GLIS3: variants seen among roughly 807,000 people sequenced by gnomAD.
The protein encoded by GLIS3 is GLIS family zinc finger 3.
GLIS3 carries 53 observed loss-of-function variants against 78.6 expected under a neutral mutation model. The ratio of observed to expected loss-of-function variants is 0.67; its 90% CI spans 0.54 to 0.85. GLIS3 has a LOEUF of 0.85. Ranked by LOEUF, GLIS3 falls within the 40% of genes least tolerant of loss-of-function variation. The pLI, the probability that GLIS3 is intolerant of heterozygous loss-of-function variation, is 0.00. For synonymous variants in GLIS3, 684 were observed against 509.9 expected (o/e 1.34, Z -4.60); for missense variants, 1,703 against 1,231.1 (o/e 1.38, Z -5.74).
the GLIS3 span, among the ~76,000 whole-genome samples, chr9:4,423,928 C>G: frequency 6.6e-6 from 1 of 152,140 alleles, no homozygotes. Flanking sequence ...AGCTGATGAC[C>G]AAACAATGAC....
At chr9:4,372,371 G>A in the GLIS3 span, among the ~76,000 whole-genome samples, 1 of 152,056 alleles carries the variant, frequency 6.6e-6, no homozygotes, top group Admixed American at 6.6e-5. Flanking sequence ...GGGCTTTGTG[G>A]ATCTGGGGTG....
At chr9:3,983,583 G>T (rs1163800844) in intron 4 of GLIS3, among the ~76,000 whole-genome samples, 2 of 152,174 alleles carry the variant, frequency 1.3e-5, no homozygotes, top group African/African-American at 4.8e-5. Context: ...GAGTGGTGTG[G>T]ATAATAAAGT....
the GLIS3 span, among the ~76,000 whole-genome samples, chr9:4,473,633 C>A: frequency 4.0e-5 from 6 of 151,800 alleles, no homozygotes; most frequent in Non-Finnish European, 5.9e-5. Context: ...CACACTGGGG[C>A]TTATCAGAGA....
rs186985330 is a variant in GLIS3 at position 4,210,661 on chromosome 9, T to C, written c.388+75377A>G. Among the ~76,000 whole-genome samples the C allele has an allele frequency of 2.0e-4, 30 of 152,330 alleles. 1 individual carries two copies. The East Asian group carries it at 4.4e-3, about 23-fold the overall frequency. On this transcript the variant is annotated intron_variant, in intron 2 of 10. Transcript: ENST00000381971. The stretch of plus-strand genomic sequence containing the variant: ...AAAATAAGCAAGGCTTTCTGGGAAA[T>C]GACAGAGCTTCAAAATAAGGAAAGA...
At chr9:4,157,002 AC>A (rs1835090975) in intron 2 of GLIS3, among the ~76,000 whole-genome samples, 1 of 152,198 alleles carries the variant, frequency 6.6e-6, no homozygotes, top group Non-Finnish European at 1.5e-5. Context: ...TTCAACACTT[AC>A]ATTTGAAAAG....
chr9:4,355,259 GGCTGTGTGACTATCT>G, the GLIS3 span, among the ~76,000 whole-genome samples: 1 of 152,138 alleles, frequency 6.6e-6, no homozygotes, highest in Non-Finnish European at 1.5e-5. Context: ...GCCACTTGGC[GGCTGTGTGACTATCT>G]GCAAGCAACT....
chr9:3,874,842 T>C (rs1396388644), intron 8 of GLIS3, among the ~76,000 whole-genome samples: 2 of 152,232 alleles, frequency 1.3e-5, no homozygotes, highest in Non-Finnish European at 2.9e-5. Context: ...TTTCAGTCTT[T>C]TCTGGCTCAG....
chr9:4,024,549 T>G (rs1823155612), intron 4 of GLIS3, among the ~76,000 whole-genome samples: 1 of 152,104 alleles, frequency 6.6e-6, no homozygotes, highest in South Asian at 2.1e-4. Context: ...AGTCTCTTCA[T>G]TTCTCCTGTT....
chr9:3,955,195 A>G (rs1274484764), intron 4 of GLIS3, among the ~76,000 whole-genome samples: 1 of 152,172 alleles, frequency 6.6e-6, no homozygotes, highest in Non-Finnish European at 1.5e-5. Context: ...ATCAGGGAAG[A>G]TGGCCCGCAT....
chr9:3,935,524 A>G (rs1825848768), intron 5 of GLIS3, among the ~76,000 whole-genome samples: 1 of 152,128 alleles, frequency 6.6e-6, no homozygotes. Context: ...GGGCAGTGCG[A>G]AACCATAACA....
intron 4 of GLIS3, among the ~76,000 whole-genome samples, chr9:4,006,912 G>T (rs936468743): frequency 2.6e-5 from 4 of 152,228 alleles, no homozygotes; most frequent in African/African-American, 9.6e-5. Context: ...GTTTCATAAA[G>T]TCCTGGATGC....
At chr9:4,188,996 T>G (rs566324297) in intron 2 of GLIS3, among the ~76,000 whole-genome samples, 1 of 152,314 alleles carries the variant, frequency 6.6e-6, no homozygotes, top group South Asian at 2.1e-4. Context: ...CTCTATTTCC[T>G]TCAGTTCTGC....
chr9:4,417,339 A>C, the GLIS3 span, among the ~76,000 whole-genome samples: 2 of 152,220 alleles, frequency 1.3e-5, no homozygotes, highest in Non-Finnish European at 2.9e-5. Flanking sequence ...TGTTCGTATC[A>C]AACCATGAAA....
the GLIS3 span, among the ~76,000 whole-genome samples, chr9:4,389,748 T>C: frequency 6.6e-6 from 1 of 152,180 alleles, no homozygotes; most frequent in Non-Finnish European, 1.5e-5. Flanking sequence ...GACATACAGG[T>C]GCCCAAGTGC....
chr9:3,883,092 A>G (rs1036584301), intron 7 of GLIS3, among the ~76,000 whole-genome samples: 2 of 151,610 alleles, frequency 1.3e-5, no homozygotes, highest in African/African-American at 4.8e-5. Flanking sequence ...ATACCCTTCA[A>G]AAAAAATGGA....
chr9:4,115,748 A>G (rs1208182008), intron 4 of GLIS3, among the ~76,000 whole-genome samples: 1 of 152,170 alleles, frequency 6.6e-6, no homozygotes, highest in African/African-American at 2.4e-5. Context: ...CCAGAACTAG[A>G]ATTGCAGCAT....
chr9:4,268,348 T>C (rs1229509302), intron 2 of GLIS3, among the ~76,000 whole-genome samples: 1 of 152,150 alleles, frequency 6.6e-6, no homozygotes, highest in Non-Finnish European at 1.5e-5. Flanking sequence ...ATCTACCATA[T>C]CATAAGTGTT....
At chr9:4,331,899 T>C (rs1382946515) in intron 2 of GLIS3, among the ~76,000 whole-genome samples, 1 of 151,824 alleles carries the variant, frequency 6.6e-6, no homozygotes, top group Non-Finnish European at 1.5e-5. Context: ...CAAAAAGAAA[T>C]TCAAAATGCC....
chr9:4,422,888 C>T, the GLIS3 span, among the ~76,000 whole-genome samples: 2 of 152,152 alleles, frequency 1.3e-5, no homozygotes, highest in African/African-American at 4.8e-5. Flanking sequence ...AAAGTAAACC[C>T]TCAGTTCCTT....
Sources: gnomAD v4.1 joint callset for allele counts (sites outside exome capture counted in the v4.1 genomes callset) on GRCh38, gnomAD v4.1.1 for gene constraint, MANE v1.5 for transcripts, NCBI Gene and HGNC (gene_info 2026-07-23, HGNC 2026-07-21) for gene names.